THSD7A: variants seen among roughly 807,000 people sequenced by gnomAD.
THSD7A encodes thrombospondin type-1 domain-containing protein 7A.
Under a neutral mutation model 231.3 loss-of-function variants are expected in THSD7A, and 96 were observed. The observed-to-expected ratio is 0.41, with a 90% CI of 0.35 to 0.49. THSD7A has a LOEUF of 0.49. THSD7A is among the 20% of genes least tolerant of loss of function. THSD7A has a pLI of 0.05. For synonymous variants in THSD7A, 940 were observed against 743.3 expected (o/e 1.26, Z -4.30); for missense variants, 2,290 against 2,070.2 (o/e 1.11, Z -2.06).
chr7:11,430,007 G>A (rs1367433974), intron 13 of THSD7A, among the ~76,000 whole-genome samples: 1 of 152,130 alleles, frequency 6.6e-6, no homozygotes, highest in East Asian at 1.9e-4. Flanking sequence ...AGGCAAACAT[G>A]TGAAAACAGC....
chr7:11,674,038 C>T (rs1442156052), intron 1 of THSD7A, among the ~76,000 whole-genome samples: 3 of 151,816 alleles, frequency 2.0e-5, no homozygotes, highest in Non-Finnish European at 4.4e-5. Flanking sequence ...CAACACACAC[C>T]GACTCTACAA....
At chr7:11,821,147 T>G in intron 1 of THSD7A, 1 of 1,110,678 alleles carries the variant, frequency 9.0e-7, no homozygotes, top group South Asian at 1.3e-5. Flanking sequence ...AGGTATTTAG[T>G]AAAGTGTTTA....
chr7:11,438,815 G>A (rs750533247), intron 13 of THSD7A, among the ~76,000 whole-genome samples: 2 of 151,848 alleles, frequency 1.3e-5, no homozygotes, highest in African/African-American at 4.8e-5. Context: ...AAGTGTGCCC[G>A]GCACTTAAAC....
chr7:11,764,403 A>T (rs1410241832), intron 1 of THSD7A, among the ~76,000 whole-genome samples: 1 of 152,082 alleles, frequency 6.6e-6, no homozygotes, highest in Non-Finnish European at 1.5e-5. Flanking sequence ...AACACGGTGA[A>T]ACCCCGTCTC....
chr7:11,548,256 A>G (rs1789481355), intron 4 of THSD7A, among the ~76,000 whole-genome samples: 1 of 152,156 alleles, frequency 6.6e-6, no homozygotes, highest in African/African-American at 2.4e-5. Context: ...TAGAAAACTT[A>G]TAAGAAATGG....
At chr7:11,819,219 C>T (rs183046575) in intron 1 of THSD7A, among the ~76,000 whole-genome samples, 1 of 152,280 alleles carries the variant, frequency 6.6e-6, no homozygotes, top group African/African-American at 2.4e-5. Flanking sequence ...AACTCTCATT[C>T]ACTGCTGGTG....
chr7:11,392,486 G>GT (rs958388711), intron 23 of THSD7A, among the ~76,000 whole-genome samples: 95 of 151,672 alleles, frequency 6.3e-4, no homozygotes, highest in African/African-American at 1.8e-3. Context: ...AGTTGCAAGA[G>GT]TTTTTTTTTC....
At chr7:11,547,540 A>G (rs527649726) in intron 4 of THSD7A, among the ~76,000 whole-genome samples, 3 of 152,356 alleles carry the variant, frequency 2.0e-5, no homozygotes, top group Admixed American at 6.5e-5. Flanking sequence ...ACAACAACAG[A>G]ATATACATTC....
intron 1 of THSD7A, among the ~76,000 whole-genome samples, chr7:11,810,272 C>T (rs1171212326): frequency 2.0e-5 from 3 of 152,246 alleles, no homozygotes; most frequent in Non-Finnish European, 4.4e-5. Flanking sequence ...TGTGCCTTCG[C>T]CATGTGATGT....
intron 1 of THSD7A, among the ~76,000 whole-genome samples, chr7:11,642,716 T>A (rs1397140487): frequency 6.6e-6 from 1 of 152,146 alleles, no homozygotes; most frequent in Non-Finnish European, 1.5e-5. Flanking sequence ...TGAATGCTAC[T>A]TGGCTTAGTT....
intron 1 of THSD7A, among the ~76,000 whole-genome samples, chr7:11,719,220 C>T (rs116155738): frequency 0.013 from 1,901 of 151,578 alleles, 46 homozygotes; most frequent in African/African-American, 0.042. Context: ...TTCTATCTTC[C>T]CACCTTAACT....
intron 4 of THSD7A, among the ~76,000 whole-genome samples, chr7:11,556,104 G>A (rs1204301901): frequency 6.6e-6 from 1 of 151,530 alleles, no homozygotes; most frequent in Non-Finnish European, 1.5e-5. Flanking sequence ...TATGGACTAA[G>A]TCTTCTATTT....
intron 1 of THSD7A, among the ~76,000 whole-genome samples, chr7:11,685,072 C>T (rs892357661): frequency 1.3e-5 from 2 of 151,786 alleles, no homozygotes; most frequent in African/African-American, 2.4e-5. Flanking sequence ...TAAATTTGCA[C>T]ACCTCCAACT....
At chr7:11,757,665 A>C (rs1251562846) in intron 1 of THSD7A, among the ~76,000 whole-genome samples, 3 of 151,968 alleles carry the variant, frequency 2.0e-5, no homozygotes. Flanking sequence ...TATTTAAGAA[A>C]AGTAACTGAC....
rs56353626 is a variant in THSD7A, at chr7:11,484,874, A to ATTTTTTTTTTTTTTTTTT, written c.1823-2910_1823-2893dup. The stretch of plus-strand genomic sequence containing the variant: ...CTCAACCCACTGAATCACAACCTTA[A>ATTTTTTTTTTTTTTTTTT]TTTTTTTTTTTTTTTTTTTTTTTTT... On this transcript the variant is annotated intron_variant, in intron 6 of 27. Transcript: ENST00000423059. 9.7e-4 allele frequency among the ~76,000 whole-genome samples: 52 copies of ATTTTTTTTTTTTTTTTTT among 53,814 alleles called. 7 individuals carry two copies. Among genetic ancestry groups the ATTTTTTTTTTTTTTTTTT allele is most frequent in the Admixed American group, 3.1e-3 (8 of 2,590 alleles). The allele number at this position is 53,814 out of a possible 152,430, so 35.3% of individuals were successfully genotyped here. A position where few individuals can be genotyped will look rare whatever the true frequency, so the allele number is the denominator to read the frequency against.
chr7:11,790,450 T>C (rs571121342), intron 1 of THSD7A, among the ~76,000 whole-genome samples: 3 of 152,018 alleles, frequency 2.0e-5, no homozygotes, highest in African/African-American at 7.2e-5. Context: ...TAAATTTTTA[T>C]ATGTTGGTTC....
intron 4 of THSD7A, among the ~76,000 whole-genome samples, chr7:11,566,650 A>G (rs529953847): frequency 6.6e-5 from 10 of 152,300 alleles, no homozygotes; most frequent in African/African-American, 2.4e-4. Flanking sequence ...AATATGCAGA[A>G]TAATTTTTTC....
chr7:11,579,853 C>G (rs1791081651), intron 4 of THSD7A, among the ~76,000 whole-genome samples: 1 of 152,104 alleles, frequency 6.6e-6, no homozygotes, highest in African/African-American at 2.4e-5. Context: ...CAAGGCTTTT[C>G]AAGAAACAAT....
intron 11 of THSD7A, among the ~76,000 whole-genome samples, chr7:11,453,503 GA>G (rs1161868493): frequency 4.6e-5 from 7 of 151,920 alleles, no homozygotes; most frequent in Admixed American, 4.6e-4. Context: ...TCCATCTAAA[GA>G]GACTGATGTC....
Sources: allele counts gnomAD v4.1 joint callset (sites outside exome capture counted in the v4.1 genomes callset), GRCh38; gene constraint gnomAD v4.1.1; transcripts MANE v1.5; gene names NCBI Gene and HGNC (gene_info 2026-07-23, HGNC 2026-07-21).